TNRC6A: variants seen among roughly 807,000 people sequenced by gnomAD.
TNRC6A encodes the protein trinucleotide repeat-containing gene 6A protein.
In TNRC6A, 44 loss-of-function variants were observed where a neutral mutation model predicts 221.2. The observed-to-expected ratio is 0.20, with a 90% CI of 0.16 to 0.26. TNRC6A has a LOEUF of 0.26. TNRC6A is among the 10% of genes least tolerant of loss of function. The pLI, the probability that TNRC6A is intolerant of heterozygous loss-of-function variation, is 1.00. For synonymous variants in TNRC6A, 847 were observed against 838.5 expected, an observed-to-expected ratio of 1.01 and a Z score of -0.18; for missense variants, 2,199 against 2,404.4, an observed-to-expected ratio of 0.91 and a Z score of 1.79.
At chr16:24,798,888 G>A (rs777100709) in intron 11 of TNRC6A, among the ~76,000 whole-genome samples, 3 of 152,184 alleles carry the variant, frequency 2.0e-5, no homozygotes, top group Non-Finnish European at 4.4e-5. Flanking sequence ...AGATACAAGG[G>A]GAAGTAACTC....
chr16:24,688,238 C>G (rs753283964), intron 2 of TNRC6A, among the ~76,000 whole-genome samples: 7 of 151,852 alleles, frequency 4.6e-5, no homozygotes, highest in Non-Finnish European at 1.0e-4. Flanking sequence ...CATGCCCAGC[C>G]TGGACATGCT....
Position 24,777,306 on chromosome 16 carries a change from A to C in TNRC6A, c.537A>C (p.Thr179=), listed in dbSNP as rs2057746640. Residue 179 remains threonine, a synonymous_variant, in exon 5 of 25, where the codon ACA becomes ACC. Transcript: ENST00000395799. ...GCCAGTCAGAAAGCAGTGCTTTAACAAATCAACAGCCACAAAATAACGGAG... is the reference window on the plus strand; with the variant it reads ...GCCAGTCAGAAAGCAGTGCTTTAACCAATCAACAGCCACAAAATAACGGAG... ...LNSQSESSAL[T]NQQPQNNGEV... is the part of the protein sequence containing the mutation. 6.2e-7 allele frequency: 1 copy of C among 1,613,986 alleles called. No individual in the cohort carries two copies. Among genetic ancestry groups the C allele is most frequent in the Non-Finnish European group, 8.5e-7 (1 of 1,180,008 alleles).
chr16:24,794,765 G>A (rs1403114781), intron 8 of TNRC6A, 46 bp downstream of exon 8: 3 of 1,555,930 alleles, frequency 1.9e-6, no homozygotes, highest in South Asian at 2.4e-5. Flanking sequence ...AATTCCAAAG[G>A]TAGTTTACCC....
intron 4 of TNRC6A, among the ~76,000 whole-genome samples, chr16:24,767,475 A>G (rs1386495890): frequency 1.3e-5 from 2 of 152,230 alleles, no homozygotes; most frequent in Admixed American, 6.5e-5. Context: ...TCCCTTTTAA[A>G]TTGGAATATA....
At chr16:24,661,871 G>A (rs2055042206) in intron 2 of TNRC6A, 1 of 152,178 alleles carries the variant, frequency 6.6e-6, no homozygotes, top group Non-Finnish European at 1.5e-5. Context: ...AGTACTGGTA[G>A]AGTTTTTAAC....
At chr16:24,786,565 C>G (rs1050140082) in intron 5 of TNRC6A, among the ~76,000 whole-genome samples, 3 of 152,026 alleles carry the variant, frequency 2.0e-5, no homozygotes, top group Admixed American at 1.3e-4. Context: ...CCTCCCGCCT[C>G]GGCTCCCTAA....
intron 2 of TNRC6A, among the ~76,000 whole-genome samples, chr16:24,682,933 C>A (rs1227920614): frequency 6.6e-6 from 1 of 152,116 alleles, no homozygotes; most frequent in Non-Finnish European, 1.5e-5. Context: ...TGAATTTAAC[C>A]CTCACAATAA....
intron 4 of TNRC6A, among the ~76,000 whole-genome samples, chr16:24,775,277 CAGTG>C (rs1377963448): frequency 1.1e-4 from 16 of 152,000 alleles, no homozygotes; most frequent in Non-Finnish European, 2.1e-4. Flanking sequence ...AGAGACTCAT[CAGTG>C]AGCATCAAGA....
intron 2 of TNRC6A, among the ~76,000 whole-genome samples, chr16:24,745,371 A>G (rs983699303): frequency 6.6e-6 from 1 of 152,190 alleles, no homozygotes; most frequent in African/African-American, 2.4e-5. Context: ...GAGGATAAAA[A>G]TGAGAAAAGG....
At chr16:24,704,916 A>G (rs985145598) in intron 2 of TNRC6A, among the ~76,000 whole-genome samples, 5 of 152,034 alleles carry the variant, frequency 3.3e-5, no homozygotes, top group Non-Finnish European at 7.4e-5. Flanking sequence ...AGGCAAGAGG[A>G]TCACTTGAGG....
Position 24,818,700 on chromosome 16 carries a change from G to A in TNRC6A, c.5080G>A (p.Ala1694Thr). The A allele has an allele frequency of 6.2e-7, 1 of 1,613,382 alleles. No individual in the cohort carries two copies. Among genetic ancestry groups the A allele is most frequent in the Middle Eastern group, 1.6e-4 (1 of 6,062 alleles). ...CAGCAGTACAGCACAAAGCACTTCAGGTGGGCCTCGCCTTCGCTCAGGAAG... is the reference window on the plus strand; with the variant it reads ...CAGCAGTACAGCACAAAGCACTTCAAGTGGGCCTCGCCTTCGCTCAGGAAG... ...PLSSTAQSTS[A>T]RNSDSKLTWS... The change falls in exon 21 of 25, where the codon GCC becomes ACC. Residue 1694 changes from alanine (A) to threonine (T), a missense_variant and splice_region_variant. This residue lies in a region of TNRC6A where 449 missense variants were observed against 579.7 expected (regional missense o/e 0.77). Coordinates refer to ENST00000395799, the MANE Select transcript of TNRC6A (RefSeq NM_014494.4).
intron 2 of TNRC6A, among the ~76,000 whole-genome samples, chr16:24,664,448 T>C (rs190027413): frequency 1.6e-4 from 23 of 143,836 alleles, no homozygotes; most frequent in Admixed American, 6.4e-4. Context: ...ATAATAAAAA[T>C]AATATATTTT....
chr16:24,791,395 C>T lies in TNRC6A; in HGVS notation c.2753C>T (p.Pro918Leu). ...TGGGATGAATCTTCTAAACCTACTC[C>T]TTCCCAGGGATGGGGAGACCCTCCA... ...SGWDESSKPT[P>L]SQGWGDPPKS... Residue 918 changes from proline (P) to leucine (L), a missense_variant, in exon 6 of 25, where the codon CCT becomes CTT. Pro to Leu is a moderately conservative substitution (Grantham distance 98). Coordinates refer to ENST00000395799, the MANE Select transcript of TNRC6A (RefSeq NM_014494.4). 3 of 1,570,060 alleles carry T rather than the reference C, an allele frequency of 1.9e-6. No individual in the cohort carries two copies. Among genetic ancestry groups the T allele is most frequent in the Non-Finnish European group, 2.6e-6 (3 of 1,159,296 alleles).
At position 24,777,376 on chromosome 16, in the gene TNRC6A, T is replaced by G. The variant is rs771957159; in HGVS notation, c.589+18T>G. 1.3e-6 allele frequency: 2 copies of G among 1,595,808 alleles called. No homozygotes were observed. Among genetic ancestry groups the G allele is most frequent in the East Asian group, 2.2e-5 (1 of 44,756 alleles). The stretch of plus-strand genomic sequence containing the variant: ...CCAGTCAGGTGAGAGAAGGCATTTC[T>G]TACGAGACTCACACCTTATCATCAT... On this transcript the variant is annotated intron_variant, in intron 5 of 24. Coordinates refer to ENST00000395799, the MANE Select transcript of TNRC6A (RefSeq NM_014494.4).
At chr16:24,782,401 C>T (rs978088838) in intron 5 of TNRC6A, among the ~76,000 whole-genome samples, 1 of 152,194 alleles carries the variant, frequency 6.6e-6, no homozygotes, top group Non-Finnish European at 1.5e-5. Flanking sequence ...GAGGTACCTA[C>T]ACCCATTCAT....
At chr16:24,801,354 A>G (rs1398734344) in intron 11 of TNRC6A, among the ~76,000 whole-genome samples, 1 of 152,142 alleles carries the variant, frequency 6.6e-6, no homozygotes, top group Non-Finnish European at 1.5e-5. Flanking sequence ...TTTTGAAAAG[A>G]AAAAACTGAT....
At chr16:24,717,760 T>G (rs1479203859) in intron 2 of TNRC6A, among the ~76,000 whole-genome samples, 1 of 143,920 alleles carries the variant, frequency 6.9e-6, no homozygotes, top group Non-Finnish European at 1.5e-5. Flanking sequence ...AGGTTCATCT[T>G]TTTTTTTTTC....
chr16:24,732,758 G>C (rs1474222596), intron 2 of TNRC6A, among the ~76,000 whole-genome samples: 2 of 152,078 alleles, frequency 1.3e-5, no homozygotes, highest in African/African-American at 4.8e-5. Flanking sequence ...TTCAGCATCC[G>C]CAGTAGCACT....
intron 2 of TNRC6A, among the ~76,000 whole-genome samples, chr16:24,708,334 A>G (rs2056138982): frequency 6.7e-6 from 1 of 150,082 alleles, no homozygotes; most frequent in African/African-American, 2.5e-5. Context: ...TCCACCTCCC[A>G]GGTTCACGCC....
Sources: gnomAD v4.1 joint callset for allele counts (sites outside exome capture counted in the v4.1 genomes callset) on GRCh38, gnomAD v4.1.1 for gene constraint, gnomAD v4.1.1 regional missense constraint, MANE v1.5 for transcripts, NCBI Gene and HGNC (gene_info 2026-07-23, HGNC 2026-07-21) for gene names.